Variants in DCUN1D3 observed in about 807,000 individuals in gnomAD.
The protein encoded by DCUN1D3 is defective in cullin neddylation 1 domain containing 3.
In DCUN1D3, 6 loss-of-function variants were observed where a neutral mutation model predicts 24.8. That is an observed-to-expected ratio of 0.24 (90% CI 0.13 to 0.48). The LOEUF (loss-of-function observed/expected upper bound fraction) is 0.48, where lower values mean the gene tolerates loss of function less well. DCUN1D3 is among the 20% of genes least tolerant of loss of function. The probability of loss-of-function intolerance (pLI) is 0.99; values close to 1 mark genes in which losing one functional copy is unlikely to be tolerated. For synonymous variants in DCUN1D3, 120 were observed against 144.9 expected (o/e 0.83, Z 1.24); for missense variants, 258 against 379.4 (o/e 0.68, Z 2.66).
intron 1 of DCUN1D3, among the ~76,000 whole-genome samples, chr16:20,876,956 G>A (rs2081818915): frequency 2.0e-5 from 3 of 152,144 alleles, no homozygotes; most frequent in African/African-American, 7.2e-5. Flanking sequence ...GCAGGGAAGG[G>A]GAGCGGGAGG....
chr16:20,862,720 G>GT, intron 1 of DCUN1D3, 77 bp from the exon 2 acceptor site: 1 of 1,310,326 alleles, frequency 7.6e-7, no homozygotes, highest in Non-Finnish European at 1.0e-6. Context: ...GGTGCACACT[G>GT]GTTCACCGCT....
chr16:20,872,099 T>A (rs532117650), intron 1 of DCUN1D3, among the ~76,000 whole-genome samples: 1 of 152,198 alleles, frequency 6.6e-6, no homozygotes, highest in African/African-American at 2.4e-5. Context: ...AGTCAGCATA[T>A]GGTTATCAGC....
At chr16:20,876,961 G>A (rs144216189) in intron 1 of DCUN1D3, among the ~76,000 whole-genome samples, 1,676 of 152,180 alleles carry the variant, frequency 0.011, 19 homozygotes, top group Non-Finnish European at 0.018. Context: ...GAAGGGGAGC[G>A]GGAGGGGAGA....
At chr16:20,894,315 G>GT (rs1239028313) in intron 1 of DCUN1D3, among the ~76,000 whole-genome samples, 2 of 152,090 alleles carry the variant, frequency 1.3e-5, no homozygotes, top group Non-Finnish European at 2.9e-5. Flanking sequence ...AAAGGGGCAG[G>GT]TTTTTTCAAC....
chr16:20,866,381 T>C (rs1301879723), intron 1 of DCUN1D3, among the ~76,000 whole-genome samples: 1 of 152,172 alleles, frequency 6.6e-6, no homozygotes, highest in Admixed American at 6.5e-5. Context: ...GAGTGAGGCA[T>C]GGGCACCCAG....
intron 1 of DCUN1D3, among the ~76,000 whole-genome samples, chr16:20,899,676 T>G (rs2152520194): frequency 1.3e-5 from 2 of 152,218 alleles, no homozygotes; most frequent in Middle Eastern, 6.8e-3. Context: ...CCGTCCCACT[T>G]CCTATAGAGG....
In DCUN1D3 at chr16:20,862,176, G is replaced by C. The variant is rs1427292595; in HGVS notation, c.363C>G (p.Asp121Glu). The change falls in exon 2 of 3, where the codon GAC becomes GAG. Residue 121 changes from aspartate to glutamate, a missense_variant. Physicochemically the swap from Asp to Glu is conservative, Grantham distance 45. Transcript: ENST00000324344. ...MERFCNDLCVDPTEFRVLLLA... is the reference protein window; with the variant it reads ...MERFCNDLCVEPTEFRVLLLA... Reference sequence around the variant, plus strand: ...AGAGCAGCACTCGAAATTCTGTGGGGTCAACACACAGGTCATTGCAAAAGC... The same window carrying C: ...AGAGCAGCACTCGAAATTCTGTGGGCTCAACACACAGGTCATTGCAAAAGC... 1 of 1,614,066 alleles carries C rather than the reference G, an allele frequency of 6.2e-7. No homozygotes were observed. Among genetic ancestry groups the C allele is most frequent in the Non-Finnish European group, 8.5e-7 (1 of 1,180,038 alleles).
chr16:20,885,558 A>G (rs893026951), intron 1 of DCUN1D3, among the ~76,000 whole-genome samples: 1 of 152,154 alleles, frequency 6.6e-6, no homozygotes, highest in African/African-American at 2.4e-5. Context: ...TTAAAAAAAA[A>G]AAAACATAAA....
chr16:20,882,260 T>C lies in DCUN1D3; in HGVS notation c.-106+17944A>G, dbSNP rs956665176. On this transcript the variant is annotated intron_variant, in intron 1 of 2. Transcript: ENST00000324344. ...TCATTTATAACATTGCTATTTTTTT[T>C]TTTTTTTTTGAGATAGAGTTTCGCT... Among the ~76,000 whole-genome samples, 26 of 151,784 alleles carry C rather than the reference T, an allele frequency of 1.7e-4. No individual in the cohort carries two copies. In the East Asian group the frequency reaches 3.1e-3, roughly 18 times the overall value.
At chr16:20,873,830 A>G (rs1206020820) in intron 1 of DCUN1D3, among the ~76,000 whole-genome samples, 1 of 152,130 alleles carries the variant, frequency 6.6e-6, no homozygotes, top group East Asian at 1.9e-4. Context: ...AGAGAAAATA[A>G]GAATGCCTAG....
intron 1 of DCUN1D3, among the ~76,000 whole-genome samples, chr16:20,893,320 A>G (rs2081900638): frequency 6.6e-6 from 1 of 152,030 alleles, no homozygotes; most frequent in South Asian, 2.1e-4. Flanking sequence ...CTACAGGTGC[A>G]CACCACCACG....
chr16:20,856,785 T>TAAA lies in DCUN1D3; in HGVS notation c.*3098_*3100dup. ...ACGTCATCTCATACCATCTTTCCAATAAACTGCTAAAGAAACATCACAAAA... is the reference window on the plus strand; with the variant it reads ...ACGTCATCTCATACCATCTTTCCAATAAAAAACTGCTAAAGAAACATCACAAAA... On this transcript the variant is annotated 3_prime_UTR_variant, in exon 3 of 3. Transcript: ENST00000324344. The TAAA allele has an allele frequency of 6.6e-6, 1 of 152,252 alleles. No individual in the cohort carries two copies. The highest frequency in any genetic ancestry group is 2.1e-4 in the South Asian group (1 of 4,820). The allele number at this position is 152,252 out of a possible 1,614,324, so 9.4% of individuals were successfully genotyped here.
At chr16:20,884,436 C>T (rs540474248) in intron 1 of DCUN1D3, among the ~76,000 whole-genome samples, 102 of 152,280 alleles carry the variant, frequency 6.7e-4, no homozygotes, top group African/African-American at 2.4e-3. Flanking sequence ...CCAGACTCAT[C>T]AACCATTGCC....
At chr16:20,884,931 A>G (rs978634984) in intron 1 of DCUN1D3, among the ~76,000 whole-genome samples, 1 of 151,966 alleles carries the variant, frequency 6.6e-6, no homozygotes, top group African/African-American at 2.4e-5. Context: ...AATAAATAAA[A>G]TAAATTAGGA....
chr16:20,889,543 AAGC>A (rs1428250311), intron 1 of DCUN1D3, among the ~76,000 whole-genome samples: 2 of 152,234 alleles, frequency 1.3e-5, no homozygotes, highest in Non-Finnish European at 2.9e-5. Context: ...TTATAATCTA[AAGC>A]TAATCAACTT....
intron 1 of DCUN1D3, among the ~76,000 whole-genome samples, chr16:20,893,232 G>C (rs1253147254): frequency 6.6e-6 from 1 of 151,676 alleles, no homozygotes; most frequent in African/African-American, 2.4e-5. Context: ...ACAGTGCAGT[G>C]GTGCGATCTC....
intron 1 of DCUN1D3, among the ~76,000 whole-genome samples, chr16:20,875,224 A>G (rs2081808505): frequency 7.9e-6 from 1 of 126,954 alleles, no homozygotes; most frequent in African/African-American, 3.1e-5. Flanking sequence ...ACACACACAC[A>G]CACACACACA....
In DCUN1D3 at chr16:20,859,570, CA is replaced by C. The variant is rs879111709; in HGVS notation, c.*315del. 8.0e-4 allele frequency: 73 copies of C among 91,772 alleles called. 1 individual carries two copies. The South Asian group carries it at 0.018, about 23-fold the overall frequency. The allele number at this position is 91,772 out of a possible 1,614,324, so 5.7% of individuals were successfully genotyped here. A position where few individuals can be genotyped will look rare whatever the true frequency, so the allele number is the denominator to read the frequency against. On this transcript the variant is annotated 3_prime_UTR_variant, in exon 3 of 3. Coordinates refer to ENST00000324344, the MANE Select transcript of DCUN1D3 (RefSeq NM_173475.4). ...AAAAAAAAAAAAAAACAAAAAAAAA[CA>C]AAAAAAAAACCTAAATTTGTGCAAG...
At position 20,855,861 on chromosome 16, in the gene DCUN1D3, G is replaced by A. The variant is rs1335484660; in HGVS notation, c.*4025C>T. On this transcript the variant is annotated 3_prime_UTR_variant, in exon 3 of 3. Transcript: ENST00000324344. ...TTAACACAATTCAACAACCTTAATA[G>A]TCCTTTCAGTCGTTTAAACAAGATA... is the stretch of plus-strand genomic sequence containing the variant. 2 of 152,172 alleles carry A rather than the reference G, an allele frequency of 1.3e-5. No individual in the cohort carries two copies. The highest frequency in any genetic ancestry group is 3.9e-4 in the East Asian group (2 of 5,192). The allele number at this position is 152,172 out of a possible 1,614,324, so 9.4% of individuals were successfully genotyped here.
Sources: gnomAD v4.1 joint callset for allele counts (sites outside exome capture counted in the v4.1 genomes callset) on GRCh38, gnomAD v4.1.1 for gene constraint, MANE v1.5 for transcripts, NCBI Gene and HGNC (gene_info 2026-07-23, HGNC 2026-07-21) for gene names.